The following GJA3 variants were observed in gnomAD, a reference collection of about 807,000 sequenced individuals.
GJA3 encodes gap junction alpha-3 protein.
For synonymous variants in GJA3, 297 were observed against 292.6 expected (o/e 1.02, Z -0.15); for missense variants, 571 against 620.3 (o/e 0.92, Z 0.84).
chr13:20,142,934 T>C lies in GJA3; in HGVS notation c.355A>G (p.Ser119Gly). Residue 119 changes from serine (S) to glycine (G), a missense_variant, in exon 2 of 2, where the codon AGC (serine) becomes GGC (glycine). Physicochemically the swap from Ser to Gly is moderately conservative, Grantham distance 56 (BLOSUM62 0). Coordinates refer to ENST00000241125, the MANE Select transcript of GJA3 (RefSeq NM_021954.4). ...TGCGGTGGCTCCTTGGGGCTGGGGCTCTCTCTCTTCAGCTGCTCCTCCTCC... is the reference window on the plus strand; with the variant it reads ...TGCGGTGGCTCCTTGGGGCTGGGGCCCTCTCTCTTCAGCTGCTCCTCCTCC... ...REEEEQLKRE[S>G]PSPKEPPQDN... 1 of 1,576,984 alleles carries C rather than the reference T, an allele frequency of 6.3e-7. No individual in the cohort carries two copies. Among genetic ancestry groups the C allele is most frequent in the South Asian group, 1.1e-5 (1 of 87,188 alleles).
At chr13:20,148,641 T>C (rs1958858281) in intron 1 of GJA3, among the ~76,000 whole-genome samples, 1 of 152,174 alleles carries the variant, frequency 6.6e-6, no homozygotes, top group Admixed American at 6.5e-5. Context: ...AGAAAGACTC[T>C]TCTGTGCTAA....
chr13:20,153,302 T>G (rs914704153), intron 1 of GJA3, among the ~76,000 whole-genome samples: 3 of 152,248 alleles, frequency 2.0e-5, no homozygotes, highest in Admixed American at 2.0e-4. Flanking sequence ...CTTTAGATTA[T>G]AAATCATGCT....
In GJA3 at chr13:20,142,961, C is replaced by T. The variant is rs757321501; in HGVS notation, c.328G>A (p.Glu110Lys). 2 of 1,580,914 alleles carry T rather than the reference C, an allele frequency of 1.3e-6. No individual in the cohort carries two copies. Among genetic ancestry groups the T allele is most frequent in the South Asian group, 1.1e-5 (1 of 87,426 alleles). ...VRMEEKKKEREEEEQLKRESP... is the reference protein window; with the variant it reads ...VRMEEKKKERKEEEQLKRESP... ...TCTCTCTTCAGCTGCTCCTCCTCCT[C>T]CCTCTCTTTCTTCTTCTCTTCCATG... Residue 110 changes from glutamate to lysine, a missense_variant, in exon 2 of 2, where the codon GAG (glutamate) becomes AAG (lysine). Glu to Lys is a moderately conservative substitution (Grantham distance 56, BLOSUM62 1). Transcript: ENST00000241125.
intron 1 of GJA3, among the ~76,000 whole-genome samples, chr13:20,155,748 C>A (rs1958903772): frequency 1.3e-5 from 2 of 151,374 alleles, no homozygotes; most frequent in Non-Finnish European, 3.0e-5. Flanking sequence ...TATAGGAGTC[C>A]TATAGATCTT....
intron 1 of GJA3, among the ~76,000 whole-genome samples, chr13:20,153,801 T>A (rs1211605088): frequency 3.4e-5 from 5 of 146,214 alleles, no homozygotes; most frequent in Non-Finnish European, 3.0e-5. Context: ...AAAATTAAAT[T>A]AAAAAAAAAA....
chr13:20,142,203 G>T lies in GJA3; in HGVS notation c.1086C>A (p.Leu362=), dbSNP rs368180843. The T allele has an allele frequency of 6.5e-4, 983 of 1,510,456 alleles. 10 individuals carry two copies. In the African/African-American group the frequency reaches 0.012, roughly 18 times the overall value. 93.6% of individuals were successfully genotyped at this position (1,510,456 alleles called of 1,614,324 possible). A position where few individuals can be genotyped will look rare whatever the true frequency, so the allele number is the denominator to read the frequency against. ...CCGCGCCCGCCTCAGCCTCGTGCGC[G>T]AGTGGCGGGGAGCTGCTGCCGACGG... ...PSPVGSSSPP[L]AHEAEAGAAP... The change falls in exon 2 of 2, where the codon CTC becomes CTA. Residue 362 remains leucine, a synonymous_variant. Coordinates refer to ENST00000241125, the MANE Select transcript of GJA3 (RefSeq NM_021954.4).
In GJA3 at chr13:20,143,441, G is replaced by A. The variant is rs139858611; in HGVS notation, c.-17-136C>T. 1.8e-3 allele frequency: 1,049 copies of A among 577,052 alleles called. 2 individuals carry two copies. Among genetic ancestry groups the A allele is most frequent in the Non-Finnish European group, 2.5e-3 (838 of 336,042 alleles). The allele number at this position is 577,052 out of a possible 1,614,324, so 35.7% of individuals were successfully genotyped here. ...GCTTCTCCACAGGACAGGCATCGCA[G>A]CTCCCCAGGACCTGGACGAGCAGGC... On this transcript the variant is annotated intron_variant, in intron 1 of 1. Coordinates refer to ENST00000241125, the MANE Select transcript of GJA3 (RefSeq NM_021954.4).
At chr13:20,155,378 T>C (rs905328101) in intron 1 of GJA3, among the ~76,000 whole-genome samples, 1 of 151,834 alleles carries the variant, frequency 6.6e-6, no homozygotes, top group African/African-American at 2.4e-5. Context: ...TTTAGGGGGG[T>C]AGGAGGGAAG....
intron 1 of GJA3, among the ~76,000 whole-genome samples, chr13:20,152,538 C>A (rs1958884752): frequency 6.6e-6 from 1 of 152,076 alleles, no homozygotes; most frequent in Admixed American, 6.5e-5. Flanking sequence ...GCACCCACCA[C>A]CACACCTGGC....
In GJA3 at chr13:20,160,980, T is replaced by A. The variant is rs1374034230; in HGVS notation, c.-108A>T. 1.3e-5 allele frequency: 2 copies of A among 152,318 alleles called. No homozygotes were observed. The highest frequency in any genetic ancestry group is 4.8e-5 in the African/African-American group (2 of 41,414). The allele number at this position is 152,318 out of a possible 1,614,324, so 9.4% of individuals were successfully genotyped here. On this transcript the variant is annotated 5_prime_UTR_variant, in exon 1 of 2. Coordinates refer to ENST00000241125, the MANE Select transcript of GJA3 (RefSeq NM_021954.4). ...AGAATTCCTTTCACACGTGCGGTGC[T>A]GCTTCACGCGTGCGCCCCGCGCCAG...
At chr13:20,157,826 T>G (rs1958914831) in intron 1 of GJA3, among the ~76,000 whole-genome samples, 1 of 152,204 alleles carries the variant, frequency 6.6e-6, no homozygotes, top group African/African-American at 2.4e-5. Context: ...GGTTAAATAT[T>G]ACTGATATGC....
intron 1 of GJA3, among the ~76,000 whole-genome samples, chr13:20,145,877 G>A (rs574498105): frequency 5.3e-5 from 8 of 151,600 alleles, no homozygotes; most frequent in Admixed American, 1.3e-4. Context: ...TCCCCATCCC[G>A]CTCCAGCAGG....
At chr13:20,149,294 G>A (rs1385983845) in intron 1 of GJA3, among the ~76,000 whole-genome samples, 1 of 151,956 alleles carries the variant, frequency 6.6e-6, no homozygotes, top group Non-Finnish European at 1.5e-5. Context: ...GGAGTTCAGG[G>A]GCAGCCTGGG....
Position 20,142,014 on chromosome 13 carries a change from G to GCTGCTGGCC in GJA3, c.1266_1274dup (p.Arg422_Ser424dup), listed in dbSNP as rs1299380449. ...CCAAGTCCTCCGGTCTGGCCCGCCC[G>GCTGCTGGCC]CTGCTGGCCCTGCTGGCCTTGCTGG... On this transcript the variant is annotated inframe_insertion, in exon 2 of 2. Coordinates refer to ENST00000241125, the MANE Select transcript of GJA3 (RefSeq NM_021954.4). 64 of 1,550,272 alleles carry GCTGCTGGCC rather than the reference G, an allele frequency of 4.1e-5. No individual in the cohort carries two copies. The highest frequency in any genetic ancestry group is 2.0e-4 in the Admixed American group (10 of 50,984).
At chr13:20,154,308 C>T (rs1248599798) in intron 1 of GJA3, among the ~76,000 whole-genome samples, 4 of 152,186 alleles carry the variant, frequency 2.6e-5, no homozygotes, top group Admixed American at 2.6e-4. Context: ...TCTCACACAT[C>T]TATTAGATTT....
intron 1 of GJA3, among the ~76,000 whole-genome samples, chr13:20,145,774 G>A (rs1018805763): frequency 2.0e-5 from 3 of 152,188 alleles, no homozygotes; most frequent in Non-Finnish European, 4.4e-5. Flanking sequence ...CCCCTCAGGG[G>A]TGGCCATCTC....
Position 20,143,225 on chromosome 13 carries a change from C to G in GJA3, c.64G>C (p.Gly22Arg). Residue 22 changes from glycine (G) to arginine (R), a missense_variant, in exon 2 of 2, where the codon GGC becomes CGC. Physicochemically the swap from Gly to Arg is moderately radical, Grantham distance 125. Transcript: ENST00000241125. ...ENAQEHSTVI[G>R]KVWLTVLFIF... ...AACAGCACGGTCAGCCAAACCTTGCCGATGACCGTGGAGTGCTCCTGTGCA... is the reference window on the plus strand; with the variant it reads ...AACAGCACGGTCAGCCAAACCTTGCGGATGACCGTGGAGTGCTCCTGTGCA... 6.4e-7 allele frequency: 1 copy of G among 1,568,994 alleles called. No homozygotes were observed. The highest frequency in any genetic ancestry group is 8.7e-7 in the Non-Finnish European group (1 of 1,155,400).
At chr13:20,159,520 T>C (rs1033662136) in intron 1 of GJA3, among the ~76,000 whole-genome samples, 2 of 149,452 alleles carry the variant, frequency 1.3e-5, no homozygotes, top group Non-Finnish European at 3.0e-5. Context: ...GTTTCAAATG[T>C]AGTGTGTACA....
intron 1 of GJA3, among the ~76,000 whole-genome samples, chr13:20,157,005 G>A (rs1030066578): frequency 6.6e-6 from 1 of 152,162 alleles, no homozygotes; most frequent in African/African-American, 2.4e-5. Context: ...GGCATTGTAA[G>A]TTTTAATAAC....
Sources: gnomAD v4.1 joint callset for allele counts (sites outside exome capture counted in the v4.1 genomes callset) on GRCh38, gnomAD v4.1.1 for gene constraint, MANE v1.5 for transcripts, NCBI Gene and HGNC (gene_info 2026-07-23, HGNC 2026-07-21) for gene names.